The following UBE3B variants were observed in gnomAD, a reference collection of about 807,000 sequenced individuals.
The protein encoded by UBE3B is ubiquitin protein ligase E3B.
UBE3B carries 80 observed loss-of-function variants against 132.3 expected under a neutral mutation model. The ratio of observed to expected loss-of-function variants is 0.60; its 90% CI spans 0.50 to 0.73. UBE3B has a LOEUF of 0.73. Ranked by LOEUF, UBE3B falls within the 30% of genes least tolerant of loss-of-function variation. UBE3B has a pLI of 0.00. For synonymous variants in UBE3B, 487 were observed against 520.4 expected (o/e 0.94, Z 0.87); for missense variants, 1,196 against 1,362.5 (o/e 0.88, Z 1.92).
At position 109,477,881 on chromosome 12, in the gene UBE3B, C is replaced by T. The variant is rs897298818; in HGVS notation, c.-356C>T. 2 of 154,308 alleles carry T rather than the reference C, an allele frequency of 1.3e-5. No individual in the cohort carries two copies. The highest frequency in any genetic ancestry group is 2.4e-5 in the African/African-American group (1 of 41,468). 9.6% of individuals were successfully genotyped at this position (154,308 alleles called of 1,614,324 possible). On this transcript the variant is annotated 5_prime_UTR_variant, in exon 1 of 28. Coordinates refer to ENST00000342494, the MANE Select transcript of UBE3B (RefSeq NM_130466.4). ...AGGGAGTTGGCTCTAGGGCACAGTC[C>T]CTGCCTGGCCAGGTCGGAGGAACAA...
At chr12:109,539,370 T>C (rs1883559023), downstream of UBE3B, among the ~76,000 whole-genome samples, 1 of 152,242 alleles carries the variant, frequency 6.6e-6, no homozygotes, top group African/African-American at 2.4e-5. Context: ...GTTACACTTG[T>C]TGAGAGCATG....
At position 109,521,365 on chromosome 12, in the gene UBE3B, T is replaced by C. The variant is rs1309391518; in HGVS notation, c.2253+41T>C. The C allele has an allele frequency of 6.2e-7, 1 of 1,605,014 alleles. No individual in the cohort carries two copies. Among genetic ancestry groups the C allele is most frequent in the East Asian group, 2.2e-5 (1 of 44,602 alleles). ...AACAGCAGGGCTGACAGCAGCCAGA[T>C]TCAAGAAGTGAAGAGCTGGGCTTGC... is the stretch of plus-strand genomic sequence containing the variant. On this transcript the variant is annotated intron_variant, in intron 20 of 27. Coordinates refer to ENST00000342494, the MANE Select transcript of UBE3B (RefSeq NM_130466.4). This position sits in a 1 kb window ranked among gnomAD's most constrained non-coding sequence, Gnocchi z 4.2.
chr12:109,510,534 G>A, intron 17 of UBE3B, 76 bp downstream of exon 17: 5 of 1,204,894 alleles, frequency 4.1e-6, no homozygotes, highest in Middle Eastern at 2.4e-4. Context: ...CAGCTCTCAT[G>A]TTCTAGGGCA....
intron 3 of UBE3B, 23 bp from the exon 4 acceptor site, chr12:109,483,838 T>C: frequency 6.3e-7 from 1 of 1,599,772 alleles, no homozygotes. Flanking sequence ...TTAAAATGTC[T>C]TTTTTTGCAC....
At chr12:109,533,208 G>A (rs978902195) in intron 26 of UBE3B, among the ~76,000 whole-genome samples, 1 of 152,166 alleles carries the variant, frequency 6.6e-6, no homozygotes, top group South Asian at 2.1e-4. Flanking sequence ...GCAGTCACAC[G>A]TGCTCTCACA....
intron 14 of UBE3B, among the ~76,000 whole-genome samples, chr12:109,503,558 T>C (rs541904639): frequency 6.6e-6 from 1 of 152,314 alleles, no homozygotes; most frequent in South Asian, 2.1e-4. Context: ...CTGAGTGTAC[T>C]GCACATATAA....
intron 8 of UBE3B, chr12:109,490,509 C>G (rs1462807477): frequency 1.3e-6 from 2 of 1,535,924 alleles, no homozygotes; most frequent in South Asian, 2.4e-5. Flanking sequence ...GGGCTGTTTC[C>G]TGATTTGGTT....
intron 14 of UBE3B, among the ~76,000 whole-genome samples, chr12:109,504,936 G>C (rs535763165): frequency 5.3e-5 from 8 of 152,058 alleles, no homozygotes; most frequent in African/African-American, 1.7e-4. Flanking sequence ...CTCCCGAGTA[G>C]CTGGGATTAC....
chr12:109,510,265 T>C, intron 16 of UBE3B, 79 bp from the exon 17 acceptor site: 1 of 1,154,200 alleles, frequency 8.7e-7, no homozygotes, highest in Non-Finnish European at 1.3e-6. Flanking sequence ...TGATGACAAC[T>C]GCGGAAGACA....
intron 9 of UBE3B, among the ~76,000 whole-genome samples, chr12:109,497,441 C>G (rs900560971): frequency 6.6e-6 from 1 of 152,042 alleles, no homozygotes; most frequent in African/African-American, 2.4e-5. Flanking sequence ...TGGGTAAGCA[C>G]CACCCAATAG....
At chr12:109,544,655 A>G in the UBE3B span, among the ~76,000 whole-genome samples, 5 of 152,108 alleles carry the variant, frequency 3.3e-5, no homozygotes, top group Admixed American at 3.3e-4. Flanking sequence ...GCCTGGATAC[A>G]TCGGGACTCT....
chr12:109,520,653 AT>A (rs1386947345), intron 19 of UBE3B: 1 of 152,766 alleles, frequency 6.5e-6, no homozygotes, highest in Non-Finnish European at 1.5e-5. Context: ...ATTCCTCAGC[AT>A]GACTTGCAGG....
At chr12:109,517,879 G>A (rs1391919169) in intron 19 of UBE3B, 1 of 406,344 alleles carries the variant, frequency 2.5e-6, no homozygotes, top group Non-Finnish European at 5.1e-6. Context: ...TTTCTCCCTC[G>A]GTGCATCGTA....
rs1398336582 is a variant in UBE3B at position 109,507,741 on chromosome 12, T to A, written c.1622+6T>A. The A allele has an allele frequency of 6.2e-7, 1 of 1,609,814 alleles. No homozygotes were observed. The highest frequency in any genetic ancestry group is 2.2e-5 in the East Asian group (1 of 44,796). ...TGTTCGCGGCACCTCATCACGTAGG[T>A]TGACTGCTGTGGGACTGAATTCCTT... On this transcript the variant is annotated splice_donor_region_variant and intron_variant, in intron 15 of 27. Coordinates refer to ENST00000342494, the MANE Select transcript of UBE3B (RefSeq NM_130466.4).
rs1364332171 is a variant in UBE3B at position 109,483,919 on chromosome 12, C to T, written c.220C>T (p.Leu74Phe). ...DDPESTKRSA[L>F]CIFKIARKLL... ...CCCTGAGTCCACTAAAAGAAGTGCA[C>T]TTTGTATTTTCAAGATTGCCAGGAA... Residue 74 changes from leucine (L) to phenylalanine (F), a missense_variant, in exon 4 of 28, where the codon CTT becomes TTT. Leu to Phe is a conservative substitution (Grantham distance 22, BLOSUM62 0). Transcript: ENST00000342494. The T allele has an allele frequency of 1.5e-5, 25 of 1,613,928 alleles. No individual in the cohort carries two copies. The highest frequency in any genetic ancestry group is 2.7e-5 in the African/African-American group (2 of 74,904).
At chr12:109,525,748 C>CA (rs910433071) in intron 23 of UBE3B, among the ~76,000 whole-genome samples, 8 of 150,484 alleles carry the variant, frequency 5.3e-5, no homozygotes, top group South Asian at 2.1e-4. Flanking sequence ...AAACTTCTAA[C>CA]AAAAAAAAAT....
the UBE3B span, among the ~76,000 whole-genome samples, chr12:109,542,775 G>C: frequency 6.6e-6 from 1 of 152,194 alleles, no homozygotes; most frequent in South Asian, 2.1e-4. Context: ...AGCCTGGAGA[G>C]GAACCAACCC....
At chr12:109,539,114 T>A (rs1883552183), downstream of UBE3B, among the ~76,000 whole-genome samples, 3 of 152,220 alleles carry the variant, frequency 2.0e-5, no homozygotes, top group Admixed American at 1.3e-4. Context: ...CGCACACCTG[T>A]AGTCCCAGCT....
intron 16 of UBE3B, among the ~76,000 whole-genome samples, chr12:109,510,100 C>T (rs3815575): frequency 0.34 from 51,615 of 152,090 alleles, 10,078 homozygotes; most frequent in African/African-American, 0.54. Context: ...GCTCCTTAGA[C>T]TTAAAAGGCC....
Sources: allele counts gnomAD v4.1 joint callset (sites outside exome capture counted in the v4.1 genomes callset), GRCh38; gene constraint gnomAD v4.1.1; non-coding constraint Gnocchi (gnomAD v3.1); transcripts MANE v1.5; gene names NCBI Gene and HGNC (gene_info 2026-07-23, HGNC 2026-07-21).